ABTB3: variants seen among roughly 807,000 people sequenced by gnomAD.
ABTB3 encodes the protein ankyrin repeat and BTB domain containing 3.
the ABTB3 span, among the ~76,000 whole-genome samples, chr12:107,331,006 T>A: frequency 6.6e-6 from 1 of 152,134 alleles, no homozygotes. Context: ...TAAAGTACAG[T>A]GCCTGCCTCT....
the ABTB3 span, among the ~76,000 whole-genome samples, chr12:107,623,316 C>A: frequency 6.9e-6 from 1 of 144,728 alleles, no homozygotes; most frequent in East Asian, 2.1e-4. Context: ...ACCTCAGCCT[C>A]TCAAAGTGCT....
At chr12:107,646,993 G>A in the ABTB3 span, among the ~76,000 whole-genome samples, 1 of 152,268 alleles carries the variant, frequency 6.6e-6, no homozygotes, top group African/African-American at 2.4e-5. Flanking sequence ...GAGAGGGTGG[G>A]AGGTTCTGAT....
chr12:107,456,369 G>A, the ABTB3 span, among the ~76,000 whole-genome samples: 6 of 152,298 alleles, frequency 3.9e-5, no homozygotes, highest in African/African-American at 1.2e-4. Context: ...GTCGTTTCCC[G>A]TTGCTCGCAT....
chr12:107,496,211 A>T, the ABTB3 span, among the ~76,000 whole-genome samples: 15 of 152,246 alleles, frequency 9.9e-5, no homozygotes, highest in Admixed American at 7.2e-4. Context: ...CGCTGCCTGC[A>T]TCTCACCTCT....
chr12:107,417,361 T>C, the ABTB3 span, among the ~76,000 whole-genome samples: 6 of 152,226 alleles, frequency 3.9e-5, no homozygotes, highest in African/African-American at 1.4e-4. Context: ...CAGCTTGACT[T>C]ACGGCCTCAT....
At chr12:107,614,967 C>A in the ABTB3 span, 1 of 1,052,672 alleles carries the variant, frequency 9.5e-7, no homozygotes, top group Non-Finnish European at 1.4e-6. Context: ...TTTTGTCCAT[C>A]TCTAGCCCAT....
chr12:107,508,066 AGATGGATGGATG>A, the ABTB3 span, among the ~76,000 whole-genome samples: 1,586 of 146,930 alleles, frequency 0.011, 16 homozygotes, highest in Middle Eastern at 0.046. Flanking sequence ...AAGGGTAGAA[AGATGGATGGATG>A]GATGGATGGA....
the ABTB3 span, among the ~76,000 whole-genome samples, chr12:107,497,564 T>C: frequency 6.6e-6 from 1 of 151,438 alleles, no homozygotes; most frequent in Admixed American, 6.6e-5. Context: ...GTCACCACCA[T>C]CATCATCATC....
the ABTB3 span, among the ~76,000 whole-genome samples, chr12:107,518,380 G>C: frequency 6.6e-6 from 1 of 152,126 alleles, no homozygotes; most frequent in African/African-American, 2.4e-5. Context: ...ATCAATAATA[G>C]ATTGGATTAA....
At chr12:107,408,519 G>A in the ABTB3 span, among the ~76,000 whole-genome samples, 2 of 152,134 alleles carry the variant, frequency 1.3e-5, no homozygotes, top group Admixed American at 1.3e-4. Context: ...GGGAGAGTTA[G>A]GAATAGCTAA....
the ABTB3 span, among the ~76,000 whole-genome samples, chr12:107,500,257 G>C: frequency 1.3e-5 from 2 of 152,160 alleles, no homozygotes; most frequent in East Asian, 1.9e-4. Flanking sequence ...GCCTGCGCCC[G>C]CTCCCCAGGA....
chr12:107,657,051 C>CAA, the ABTB3 span, among the ~76,000 whole-genome samples: 3 of 151,588 alleles, frequency 2.0e-5, no homozygotes, highest in Admixed American at 1.3e-4. Flanking sequence ...TCAAAAAAAA[C>CAA]AAAAAAAAGA....
At chr12:107,631,565 C>T in the ABTB3 span, among the ~76,000 whole-genome samples, 1 of 152,274 alleles carries the variant, frequency 6.6e-6, no homozygotes, top group African/African-American at 2.4e-5. Context: ...TTATTCTGCT[C>T]CTGGATCCCA....
chr12:107,593,467 C>T, the ABTB3 span, among the ~76,000 whole-genome samples: 1 of 152,076 alleles, frequency 6.6e-6, no homozygotes, highest in Admixed American at 6.5e-5. Flanking sequence ...TGAAGAAGGC[C>T]ATCAGTTCTT....
chr12:107,508,919 T>C, the ABTB3 span, among the ~76,000 whole-genome samples: 71,828 of 151,950 alleles, frequency 0.47, 17,881 homozygotes, highest in African/African-American at 0.63. Flanking sequence ...TCCTGGGGGC[T>C]AATTGATCTC....
At chr12:107,393,129 G>A in the ABTB3 span, among the ~76,000 whole-genome samples, 1 of 152,166 alleles carries the variant, frequency 6.6e-6, no homozygotes, top group African/African-American at 2.4e-5. Context: ...AGGTGACTCA[G>A]GAAACGCTTC....
chr12:107,445,241 C>G, the ABTB3 span, among the ~76,000 whole-genome samples: 1 of 152,166 alleles, frequency 6.6e-6, no homozygotes, highest in Non-Finnish European at 1.5e-5. Context: ...TCCCAAGGCA[C>G]TAAGCTAGGC....
the ABTB3 span, among the ~76,000 whole-genome samples, chr12:107,499,908 A>G: frequency 6.0e-5 from 9 of 150,852 alleles, no homozygotes; most frequent in African/African-American, 4.9e-5. Flanking sequence ...CTGGTCTTGA[A>G]CTCCTGTCCT....
chr12:107,430,608 T>G, the ABTB3 span, among the ~76,000 whole-genome samples: 1 of 152,222 alleles, frequency 6.6e-6, no homozygotes, highest in African/African-American at 2.4e-5. Flanking sequence ...CGTCCATCCC[T>G]TTCTCAATGT....
Sources: gnomAD v4.1 joint callset for allele counts (sites outside exome capture counted in the v4.1 genomes callset) on GRCh38, gnomAD v4.1.1 for gene constraint, MANE v1.5 for transcripts, NCBI Gene and HGNC (gene_info 2026-07-23, HGNC 2026-07-21) for gene names.